The following TPRX1 variants were observed in gnomAD, a reference collection of about 807,000 sequenced individuals.
TPRX1 encodes tetrapeptide repeat homeobox 1, also known as tetra-peptide repeat homeobox protein 1.
In TPRX1, 2 loss-of-function variants were observed where a neutral mutation model predicts 8.1. The ratio of observed to expected loss-of-function variants is 0.25; its 90% CI spans 0.10 to 0.78. The LOEUF (loss-of-function observed/expected upper bound fraction) is 0.78, where lower values mean the gene tolerates loss of function less well. Among genes scored for constraint, TPRX1 ranks in the 30% least tolerant of loss-of-function variants. The probability of loss-of-function intolerance (pLI) is 0.70; values close to 1 mark genes in which losing one functional copy is unlikely to be tolerated. For synonymous variants in TPRX1, 257 were observed against 254.1 expected (o/e 1.01, Z -0.11); for missense variants, 517 against 586.9 (o/e 0.88, Z 1.23).
intron 2 of TPRX1, among the ~76,000 whole-genome samples, chr19:47,815,080 T>C (rs1391992561): frequency 7.7e-6 from 1 of 130,082 alleles, no homozygotes; most frequent in East Asian, 2.1e-4. Context: ...ATTACAGGTG[T>C]GAGTCATTGT....
chr19:47,816,647 C>T (rs912077027), intron 2 of TPRX1, among the ~76,000 whole-genome samples: 3 of 151,804 alleles, frequency 2.0e-5, no homozygotes, highest in Admixed American at 1.3e-4. Flanking sequence ...ATTCTCCTAC[C>T]TCAGCCTCCC....
chr19:47,803,918 G>A (rs570816455), intron 2 of TPRX1, among the ~76,000 whole-genome samples: 23 of 152,116 alleles, frequency 1.5e-4, no homozygotes, highest in African/African-American at 5.5e-4. Flanking sequence ...CGGAGCAGAC[G>A]GGGCTGCCTC....
At chr19:47,815,146 AAATATATATATATATAT>A (rs1256942118) in intron 2 of TPRX1, among the ~76,000 whole-genome samples, 1 of 62,606 alleles carries the variant, frequency 1.6e-5, no homozygotes, top group Non-Finnish European at 3.4e-5. Context: ...ATATATATGC[AAATATATATATATATAT>A]TTTTTTTTTT....
chr19:47,815,982 A>T (rs996903066), intron 2 of TPRX1, among the ~76,000 whole-genome samples: 9 of 152,066 alleles, frequency 5.9e-5, no homozygotes, highest in African/African-American at 1.9e-4. Context: ...ACTCTGGGTC[A>T]TGTGTAGCGG....
chr19:47,817,391 C>T (rs1008222850), intron 2 of TPRX1, among the ~76,000 whole-genome samples: 4 of 151,984 alleles, frequency 2.6e-5, no homozygotes, highest in African/African-American at 4.8e-5. Context: ...CCCACGTCAG[C>T]GGCAGAGCCA....
exon 1 of TPRX1, chr19:47,819,006 T>G (rs527993679): frequency 8.8e-6 from 2 of 226,970 alleles, no homozygotes; most frequent in South Asian, 1.3e-4. Flanking sequence ...TGGTTTTCTG[T>G]CCTTGTGATA....
chr19:47,817,429 C>T (rs1967853914), intron 2 of TPRX1, among the ~76,000 whole-genome samples: 2 of 152,208 alleles, frequency 1.3e-5, no homozygotes, highest in African/African-American at 4.8e-5. Flanking sequence ...GCCCCGGAGC[C>T]TGTGCCCTCC....
chr19:47,816,918 C>A (rs1967849442), intron 2 of TPRX1, among the ~76,000 whole-genome samples: 1 of 152,180 alleles, frequency 6.6e-6, no homozygotes, highest in Admixed American at 6.6e-5. Flanking sequence ...GCTATTCTCA[C>A]TTTTGAAATG....
At chr19:47,816,529 ATTT>A (rs35029272) in intron 2 of TPRX1, among the ~76,000 whole-genome samples, 4 of 114,664 alleles carry the variant, frequency 3.5e-5, no homozygotes, top group East Asian at 2.5e-4. Flanking sequence ...ACCCCTGGGA[ATTT>A]TTTTTTTTTT....
chr19:47,818,298 C>G (rs531871134), intron 2 of TPRX1, among the ~76,000 whole-genome samples: 15 of 133,672 alleles, frequency 1.1e-4, no homozygotes, highest in African/African-American at 5.3e-4. Flanking sequence ...ATCCATCCAT[C>G]CACCCATCCA....
chr19:47,817,959 C>T (rs1476027550), intron 2 of TPRX1, among the ~76,000 whole-genome samples: 2 of 152,320 alleles, frequency 1.3e-5, no homozygotes, highest in Admixed American at 1.3e-4. Flanking sequence ...AGTGGATGCA[C>T]CCACTACCAG....
At chr19:47,815,663 A>G (rs1967833373) in intron 2 of TPRX1, among the ~76,000 whole-genome samples, 1 of 148,820 alleles carries the variant, frequency 6.7e-6, no homozygotes, top group Admixed American at 6.7e-5. Flanking sequence ...AAAAAAAAAA[A>G]AAAGCAGGTG....
At chr19:47,802,584 C>T (rs1292520799) in exon 4 of TPRX1, 3 of 1,544,310 alleles carry the variant, frequency 1.9e-6, no homozygotes, top group Non-Finnish European at 1.7e-6. Context: ...GGGATCTGGA[C>T]TGGGCCTGAA....
chr19:47,808,700 C>T (rs1210243859), intron 2 of TPRX1, among the ~76,000 whole-genome samples: 3 of 151,384 alleles, frequency 2.0e-5, no homozygotes, highest in Non-Finnish European at 4.4e-5. Context: ...AAGTGATCCG[C>T]GCACCTTGGC....
intron 2 of TPRX1, among the ~76,000 whole-genome samples, 87 bp downstream of exon 1, chr19:47,804,428 C>G (rs4047205): frequency 6.6e-6 from 1 of 151,030 alleles, no homozygotes; most frequent in Admixed American, 6.6e-5. Flanking sequence ...CGCACAGGCC[C>G]AGCCCTTCTC....
At position 47,801,934 on chromosome 19, in the gene TPRX1, G is replaced by A. The variant is rs373838085; in HGVS notation, c.1368C>T (p.Pro456=). The change falls in exon 4 of 4, where the codon CCC becomes CCT. Residue 456 remains proline (P), a synonymous_variant. Coordinates refer to ENST00000535759, the Ensembl canonical transcript of TPRX1. ...CTGAGGATCCCTCCAAGGGGTCTAG[G>A]GGTAGGAGCAGCTCTGTGAAGTGAG... 4 of 1,614,052 alleles carry A rather than the reference G, an allele frequency of 2.5e-6. No individual in the cohort carries two copies. The African/African-American group carries it at 5.3e-5, about 22-fold the overall frequency.
chr19:47,802,498 G>A (rs1967684975), exon 4 of TPRX1: 2 of 1,544,812 alleles, frequency 1.3e-6, no homozygotes, highest in South Asian at 1.2e-5. Flanking sequence ...TTGGGCCTGA[G>A]AATGGGCCTG....
chr19:47,817,436 C>G (rs956420249), intron 2 of TPRX1, among the ~76,000 whole-genome samples: 7 of 152,188 alleles, frequency 4.6e-5, no homozygotes, highest in African/African-American at 1.7e-4. Context: ...AGCCTGTGCC[C>G]TCCTGATCAC....
At chr19:47,806,126 G>A (rs1037711912) in intron 2 of TPRX1, among the ~76,000 whole-genome samples, 2 of 152,192 alleles carry the variant, frequency 1.3e-5, no homozygotes, top group African/African-American at 2.4e-5. Context: ...GGAGGCTGAG[G>A]CGGGGGAATT....
Sources: gnomAD v4.1 joint callset for allele counts (sites outside exome capture counted in the v4.1 genomes callset) on GRCh38, gnomAD v4.1.1 for gene constraint, MANE v1.5 for transcripts, NCBI Gene and HGNC (gene_info 2026-07-23, HGNC 2026-07-21) for gene names.